Variants in MYNN observed in about 807,000 individuals in gnomAD.
The protein encoded by MYNN is myoneurin.
In MYNN, 22 loss-of-function variants were observed where a neutral mutation model predicts 57.2. The ratio of observed to expected loss-of-function variants is 0.38; its 90% CI spans 0.27 to 0.55. The LOEUF (loss-of-function observed/expected upper bound fraction) is 0.55, where lower values mean the gene tolerates loss of function less well. Ranked by LOEUF, MYNN falls within the 20% of genes least tolerant of loss-of-function variation. The probability of loss-of-function intolerance (pLI) is 0.71; values close to 1 mark genes in which losing one functional copy is unlikely to be tolerated. For missense variants in MYNN, 566 were observed against 723.1 expected (o/e 0.78, Z 2.49); for synonymous variants, 241 against 257.1 (o/e 0.94, Z 0.60).
chr3:169,774,535 A>C lies in MYNN; in HGVS notation c.240A>C (p.Ile80=), dbSNP rs974199927. ...GATTTCAGAAACTGTTGGAGTTTAT[A>C]TACACAGGAACTTTAAATCTTGACA... ...ADGFQKLLEF[I]YTGTLNLDSW... is the part of the protein sequence containing the mutation. Residue 80 remains isoleucine (I), a synonymous_variant, in exon 2 of 8, where the codon ATA becomes ATC. Coordinates refer to ENST00000349841, the MANE Select transcript of MYNN (RefSeq NM_018657.5). 8.1e-6 allele frequency: 13 copies of C among 1,613,414 alleles called. No homozygotes were observed. Among genetic ancestry groups the C allele is most frequent in the Non-Finnish European group, 1.1e-5 (13 of 1,179,610 alleles).
intron 6 of MYNN, 51 bp downstream of exon 6, chr3:169,783,611 TTATG>T (rs1179917452): frequency 4.1e-5 from 54 of 1,303,872 alleles, no homozygotes; most frequent in Non-Finnish European, 5.9e-5. Context: ...TAATTTCTTT[TTATG>T]TAAACCTTGA....
intron 5 of MYNN, 82 bp from the exon 6 acceptor site, chr3:169,783,395 A>C: frequency 1.3e-6 from 1 of 776,788 alleles, no homozygotes; most frequent in South Asian, 1.9e-5. Flanking sequence ...TATTCCAGAA[A>C]AGCTTACTTT....
chr3:169,780,526 C>A (rs1000747482), intron 3 of MYNN, 64 bp from the exon 4 acceptor site: 1 of 1,218,144 alleles, frequency 8.2e-7, no homozygotes. Flanking sequence ...TTGATGAAAT[C>A]TTATATGACT....
Position 169,782,787 on chromosome 3 carries a change from CAT to C in MYNN, c.1399+147_1399+148del, listed in dbSNP as rs534843911. On this transcript the variant is annotated intron_variant, in intron 5 of 7. Coordinates refer to ENST00000349841, the MANE Select transcript of MYNN (RefSeq NM_018657.5). The surrounding 1 kb of genome is among the most constrained non-coding windows in gnomAD (Gnocchi z 4.8). Reference sequence around the variant, plus strand: ...ATAAGCTATGTTTATGATTTTTGCACATATTTGTTAAATATAAAAGCTGACTT... The same window carrying C: ...ATAAGCTATGTTTATGATTTTTGCACATTTGTTAAATATAAAAGCTGACTT... 4.7e-4 allele frequency: 293 copies of C among 619,026 alleles called. 2 individuals are homozygous for C. In the African/African-American group the frequency reaches 4.9e-3, roughly 10 times the overall value. The allele number at this position is 619,026 out of a possible 1,614,324, so 38.3% of individuals were successfully genotyped here.
Position 169,782,733 on chromosome 3 carries a change from T to G in MYNN, c.1399+90T>G. ...CCTTTTAGCGAAGTAGATCGGAAAC[T>G]TTGTAGTTAGATATCTGTTTATATT... On this transcript the variant is annotated intron_variant, in intron 5 of 7. Transcript: ENST00000349841. The surrounding 1 kb of genome is among the most constrained non-coding windows in gnomAD (Gnocchi z 4.8). 2 of 1,002,402 alleles carry G rather than the reference T, an allele frequency of 2.0e-6. No homozygotes were observed. Among genetic ancestry groups the G allele is most frequent in the Middle Eastern group, 2.7e-4 (1 of 3,650 alleles). The allele number at this position is 1,002,402 out of a possible 1,614,324, so 62.1% of individuals were successfully genotyped here. A position where few individuals can be genotyped will look rare whatever the true frequency, so the allele number is the denominator to read the frequency against.
chr3:169,779,006 C>A lies in MYNN; in HGVS notation c.505C>A (p.Gln169Lys). Residue 169 changes from glutamine to lysine, a missense_variant, in exon 3 of 8, where the codon CAA becomes AAA. Gln to Lys is a moderately conservative substitution (Grantham distance 53). Transcript: ENST00000349841. ...STDLIQANPK[Q>K]GALAKKSSQT... The stretch of plus-strand genomic sequence containing the variant: ...AGATTTGATTCAGGCAAATCCTAAA[C>A]AAGGCGCGTTAGCGAAAAAGTCATC... 1 of 1,613,818 alleles carries A rather than the reference C, an allele frequency of 6.2e-7. No individual in the cohort carries two copies. The highest frequency in any genetic ancestry group is 8.5e-7 in the Non-Finnish European group (1 of 1,180,028).
chr3:169,774,814 T>G (rs374647065), intron 2 of MYNN, among the ~76,000 whole-genome samples: 1 of 152,208 alleles, frequency 6.6e-6, no homozygotes, highest in South Asian at 2.1e-4. Flanking sequence ...ATTTCACTTA[T>G]GTAAACTTGA....
intron 2 of MYNN, 58 bp downstream of exon 2, chr3:169,774,619 AGTAGATTTGTATTTT>A: frequency 6.8e-7 from 1 of 1,469,928 alleles, no homozygotes; most frequent in Non-Finnish European, 9.3e-7. Context: ...TCACAGCAAA[AGTAGATTTGTATTTT>A]TTCCATTCAT....
chr3:169,780,492 T>C, intron 3 of MYNN, 98 bp from the exon 4 acceptor site: 1 of 800,410 alleles, frequency 1.2e-6, no homozygotes, highest in Non-Finnish European at 1.9e-6. Context: ...AGTTAACATT[T>C]TCTTAATAAC....
Position 169,779,324 on chromosome 3 carries a change from T to A in MYNN, c.823T>A (p.Ser275Thr), listed in dbSNP as rs199911803. ...PNCALKEHSM[S>T]NIASVKSPYE... ...CTGTGCTCTGAAAGAACACTCTATG[T>A]CTAATATAGCCAGCGTCAAGAGTCC... Residue 275 changes from serine (S) to threonine (T), a missense_variant, in exon 3 of 8, where the codon TCT becomes ACT. This residue lies in a region of MYNN where 261 missense variants were observed against 280.8 expected (regional missense o/e 0.93). Coordinates refer to ENST00000349841, the MANE Select transcript of MYNN (RefSeq NM_018657.5). The A allele has an allele frequency of 2.4e-4, 382 of 1,614,040 alleles. No homozygotes were observed. The highest frequency in any genetic ancestry group is 2.8e-4 in the Non-Finnish European group (328 of 1,180,046).
rs1430040265 is a variant in MYNN at position 169,782,133 on chromosome 3, A to G, written c.1221-332A>G. 6.6e-6 allele frequency among the ~76,000 whole-genome samples: 1 copy of G among 152,202 alleles called. No homozygotes were observed. Among genetic ancestry groups the G allele is most frequent in the African/African-American group, 2.4e-5 (1 of 41,456 alleles). ...GCAGGGATGTCACCTGAGAGTTACA[A>G]TGGGCAAGGAGATGCTGATGGTTTG... On this transcript the variant is annotated intron_variant, in intron 4 of 7. Transcript: ENST00000349841. This position sits in a 1 kb window ranked among gnomAD's most constrained non-coding sequence, Gnocchi z 4.8.
Position 169,778,923 on chromosome 3 carries a change from A to C in MYNN, c.422A>C (p.Gln141Pro). Reference protein sequence around the residue: ...SITGNIELNQQTCLLTLRDYN... With the variant: ...SITGNIELNQPTCLLTLRDYN... ...ACTGGAAACATTGAATTGAATCAACAGACTTGTCTTCTTACTCTGCGAGAT... is the reference window on the plus strand; with the variant it reads ...ACTGGAAACATTGAATTGAATCAACCGACTTGTCTTCTTACTCTGCGAGAT... Residue 141 changes from glutamine to proline, a missense_variant, in exon 3 of 8, where the codon CAG (glutamine) becomes CCG (proline). By Grantham distance (76) the Gln-to-Pro change is moderately conservative. Around this residue, in one of 4 missense-constraint regions of MYNN, gnomAD observed 261 missense variants for 280.8 expected, o/e 0.93. Coordinates refer to ENST00000349841, the MANE Select transcript of MYNN (RefSeq NM_018657.5). 1 of 1,614,082 alleles carries C rather than the reference A, an allele frequency of 6.2e-7. No individual in the cohort carries two copies. Among genetic ancestry groups the C allele is most frequent in the East Asian group, 2.2e-5 (1 of 44,880 alleles).
At position 169,774,292 on chromosome 3, in the gene MYNN, C is replaced by A. The variant is rs1778263387; in HGVS notation, c.-4C>A. 1.9e-6 allele frequency: 3 copies of A among 1,611,128 alleles called. No individual in the cohort carries two copies. The highest frequency in any genetic ancestry group is 1.7e-6 in the Non-Finnish European group (2 of 1,177,730). ...CAAGGGTAAAATTCCATTCTGATAT[C>A]AAAATGCAGTATTCGCACCACTGTG... is the stretch of plus-strand genomic sequence containing the variant. On this transcript the variant is annotated 5_prime_UTR_variant, in exon 2 of 8. Transcript: ENST00000349841.
At position 169,782,421 on chromosome 3, in the gene MYNN, T is replaced by C. The variant is rs1215291315; in HGVS notation, c.1221-44T>C. 1 of 1,527,896 alleles carries C rather than the reference T, an allele frequency of 6.5e-7. No homozygotes were observed. Among genetic ancestry groups the C allele is most frequent in the Non-Finnish European group, 8.9e-7 (1 of 1,119,652 alleles). 94.6% of individuals were successfully genotyped at this position (1,527,896 alleles called of 1,614,324 possible). A position where few individuals can be genotyped will look rare whatever the true frequency, so the allele number is the denominator to read the frequency against. On this transcript the variant is annotated intron_variant, in intron 4 of 7. Coordinates refer to ENST00000349841, the MANE Select transcript of MYNN (RefSeq NM_018657.5). The surrounding 1 kb of genome is among the most constrained non-coding windows in gnomAD (Gnocchi z 4.8). ...CTTTATGAATTCTTGCTATATAGAC[T>C]GACCTCCAAATTGTTTTACTTATTT...
chr3:169,774,409 T>C lies in MYNN; in HGVS notation c.114T>C (p.His38=), dbSNP rs1648447234. 2 of 1,614,070 alleles carry C rather than the reference T, an allele frequency of 1.2e-6. No homozygotes were observed. Among genetic ancestry groups the C allele is most frequent in the Admixed American group, 3.3e-5 (2 of 60,012 alleles). ...TTGGGGAATTCCAGTTTAAAGCTCA[T>C]AGGAATGTGCTGGCCTCCTTTAGTG... is the stretch of plus-strand genomic sequence containing the variant. ...IVIGEFQFKA[H]RNVLASFSEY... The change falls in exon 2 of 8, where the codon CAT becomes CAC. Residue 38 remains histidine, a synonymous_variant. Transcript: ENST00000349841.
chr3:169,774,227 T>TG, intron 1 of MYNN, 38 bp from the exon 2 acceptor site: 1 of 1,506,782 alleles, frequency 6.6e-7, no homozygotes, highest in Non-Finnish European at 9.1e-7. Flanking sequence ...TGATGAGAAC[T>TG]TACGGTTACT....
At chr3:169,783,839 C>T in intron 6 of MYNN, 1 of 463,712 alleles carries the variant, frequency 2.2e-6, no homozygotes, top group South Asian at 1.9e-5. Flanking sequence ...ACAGATATAC[C>T]AAGAAATGAA....
intron 5 of MYNN, 75 bp from the exon 6 acceptor site, chr3:169,783,402 C>G: frequency 1.2e-6 from 1 of 830,626 alleles, no homozygotes; most frequent in Non-Finnish European, 1.9e-6. Flanking sequence ...GAAAAGCTTA[C>G]TTTAGATTAT....
intron 2 of MYNN, among the ~76,000 whole-genome samples, chr3:169,775,499 A>G (rs755333936): frequency 1.3e-5 from 2 of 152,136 alleles, no homozygotes; most frequent in Admixed American, 6.5e-5. Context: ...GTCAGTCGCT[A>G]TGTCTCCTTG....
Sources: gnomAD v4.1 joint callset for allele counts (sites outside exome capture counted in the v4.1 genomes callset) on GRCh38, gnomAD v4.1.1 for gene constraint, gnomAD v4.1.1 regional missense constraint, Gnocchi (gnomAD v3.1) non-coding constraint, MANE v1.5 for transcripts, NCBI Gene and HGNC (gene_info 2026-07-23, HGNC 2026-07-21) for gene names.